SCML2: variants seen among roughly 807,000 people sequenced by gnomAD.
SCML2 encodes Scm polycomb group protein like 2, also known as sex comb on midleg-like protein 2.
SCML2 carries 6 observed loss-of-function variants against 48.4 expected under a neutral mutation model. The observed-to-expected ratio is 0.12, with a 90% CI of 0.07 to 0.24. The LOEUF (loss-of-function observed/expected upper bound fraction) is 0.24. Ranked by LOEUF, SCML2 falls within the 10% of genes least tolerant of loss-of-function variation. The pLI is 1.00. For missense variants in SCML2, 377 were observed against 528.2 expected (o/e 0.71, Z 2.81); for synonymous variants, 181 against 189.5 (o/e 0.95, Z 0.37).
intron 7 of SCML2, among the ~76,000 whole-genome samples, chrX:18,304,000 T>G (rs949319338): frequency 3.3e-4 from 37 of 112,469 alleles, no homozygotes; most frequent in African/African-American, 1.2e-3. Context: ...GCGTTAGTTT[T>G]TTAAGTATGT....
At chrX:18,301,028 T>C (rs1373388761) in intron 7 of SCML2, among the ~76,000 whole-genome samples, 5 of 111,075 alleles carry the variant, frequency 4.5e-5, no homozygotes, top group Non-Finnish European at 9.4e-5. Context: ...AAAAAAAATC[T>C]GAATAACAGT....
At chrX:18,270,534 C>T (rs920879547) in intron 7 of SCML2, among the ~76,000 whole-genome samples, 1 of 110,807 alleles carries the variant, frequency 9.0e-6, no homozygotes, top group African/African-American at 3.3e-5. Flanking sequence ...CCTCAGCCTC[C>T]TAAGGACTCG....
chrX:18,249,270 T>G (rs1034586115), intron 11 of SCML2, among the ~76,000 whole-genome samples: 1 of 111,766 alleles, frequency 8.9e-6, no homozygotes, highest in Non-Finnish European at 1.9e-5. Context: ...CATTTTAACT[T>G]GCCCTAATAT....
intron 1 of SCML2, among the ~76,000 whole-genome samples, chrX:18,342,346 G>C (rs1290691085): frequency 9.3e-6 from 1 of 106,956 alleles, no homozygotes; most frequent in East Asian, 2.9e-4. Context: ...ATGTAAGTAA[G>C]CCTTAAAAAA....
intron 6 of SCML2, among the ~76,000 whole-genome samples, chrX:18,312,569 G>A (rs1018896626): frequency 1.8e-5 from 2 of 109,903 alleles, no homozygotes; most frequent in Non-Finnish European, 3.8e-5. Flanking sequence ...TCTGCAGTTG[G>A]TTGAACCCAT....
intron 9 of SCML2, 47 bp downstream of exon 9, chrX:18,260,124 G>T: frequency 1.0e-6 from 1 of 959,459 alleles, no homozygotes; most frequent in Non-Finnish European, 1.4e-6. Context: ...AAATAATACA[G>T]GATAAAAGAT....
chrX:18,263,307 G>A (rs775094207), intron 8 of SCML2, among the ~76,000 whole-genome samples: 2 of 111,114 alleles, frequency 1.8e-5, no homozygotes, highest in African/African-American at 6.5e-5. Flanking sequence ...ATTGTTTCAT[G>A]TCTGTTAAAT....
intron 7 of SCML2, among the ~76,000 whole-genome samples, chrX:18,273,877 C>T (rs752331297): frequency 3.6e-5 from 4 of 110,749 alleles, no homozygotes; most frequent in South Asian, 4.0e-4. Flanking sequence ...CACAGAGAAG[C>T]GGCTTCACTT....
intron 5 of SCML2, 36 bp from the exon 6 acceptor site, chrX:18,320,456 C>T: frequency 2.2e-6 from 2 of 897,891 alleles, no homozygotes; most frequent in Non-Finnish European, 1.6e-6. Flanking sequence ...CATGAAAAAG[C>T]CTCCTTGTGA....
intron 2 of SCML2, 122 bp downstream of exon 2, chrX:18,333,928 C>T (rs1357218639): frequency 3.8e-6 from 2 of 526,638 alleles, no homozygotes; most frequent in South Asian, 4.8e-5. Context: ...AAATTCTAAG[C>T]ACCTAGCATC....
chrX:18,277,051 T>C (rs1415159487), intron 7 of SCML2, among the ~76,000 whole-genome samples: 1 of 109,751 alleles, frequency 9.1e-6, no homozygotes, highest in African/African-American at 3.3e-5. Flanking sequence ...TTGGGATAAA[T>C]AAAAACAAGG....
chrX:18,342,953 C>T (rs1410399726), intron 1 of SCML2, among the ~76,000 whole-genome samples: 1 of 111,318 alleles, frequency 9.0e-6, no homozygotes, highest in Admixed American at 9.6e-5. Flanking sequence ...AAGCCTAAAA[C>T]TCCCATTACT....
rs768458158 is a variant in SCML2 at position 18,327,575 on chromosome X, T to C, written c.92-2598A>G. ...TTAGAAAATACTTAATTCATCTCCA[T>C]AACACAAATTTTTAAAATATTCTAT... On this transcript the variant is annotated intron_variant, in intron 3 of 14. Coordinates refer to ENST00000251900, the MANE Select transcript of SCML2 (RefSeq NM_006089.3). Among the ~76,000 whole-genome samples the C allele has an allele frequency of 1.4e-4, 16 of 112,046 alleles. No homozygotes were observed. In the South Asian group the frequency reaches 5.6e-3, roughly 39 times the overall value.
chrX:18,249,506 T>C (rs1284186245), intron 11 of SCML2, among the ~76,000 whole-genome samples: 1 of 111,400 alleles, frequency 9.0e-6, no homozygotes, highest in East Asian at 2.8e-4. Context: ...GAGCTTGTTC[T>C]GTGTGAACAA....
intron 8 of SCML2, among the ~76,000 whole-genome samples, chrX:18,264,390 C>T (rs1443093298): frequency 9.4e-6 from 1 of 106,062 alleles, no homozygotes; most frequent in Non-Finnish European, 1.9e-5. Flanking sequence ...TCCTTTTTAT[C>T]CTTTGTTTCT....
intron 7 of SCML2, among the ~76,000 whole-genome samples, chrX:18,297,460 G>A (rs761031570): frequency 9.0e-6 from 1 of 111,682 alleles, no homozygotes; most frequent in East Asian, 2.8e-4. Context: ...TTTGGCTCAA[G>A]TGGTTACTTC....
chrX:18,299,899 C>T (rs998590760), intron 7 of SCML2, among the ~76,000 whole-genome samples: 1 of 109,963 alleles, frequency 9.1e-6, no homozygotes, highest in Non-Finnish European at 1.9e-5. Context: ...TCACCATGCC[C>T]ATTTTACCTT....
intron 6 of SCML2, among the ~76,000 whole-genome samples, chrX:18,308,152 A>G (rs377528276): frequency 5.7e-5 from 6 of 105,092 alleles, no homozygotes; most frequent in Non-Finnish European, 1.2e-4. Context: ...CCAGCTACTC[A>G]GGGGGCTGAG....
intron 7 of SCML2, among the ~76,000 whole-genome samples, chrX:18,283,595 G>A (rs2147501736): frequency 8.9e-6 from 1 of 112,395 alleles, no homozygotes; most frequent in Non-Finnish European, 1.9e-5. Flanking sequence ...AAGGTTTCAG[G>A]ATATAAAAAT....
Sources: allele counts gnomAD v4.1 joint callset (sites outside exome capture counted in the v4.1 genomes callset), GRCh38; gene constraint gnomAD v4.1.1; transcripts MANE v1.5; gene names NCBI Gene and HGNC (gene_info 2026-07-23, HGNC 2026-07-21).